Variants in TRRAP observed in about 807,000 individuals in gnomAD.
TRRAP encodes the protein transformation/transcription domain associated protein.
TRRAP carries 41 observed loss-of-function variants against 438.8 expected under a neutral mutation model. The observed-to-expected ratio is 0.09, with a 90% CI of 0.07 to 0.12. The LOEUF (loss-of-function observed/expected upper bound fraction) is 0.12, where lower values mean the gene tolerates loss of function less well. TRRAP is among the 10% of genes least tolerant of loss of function. The pLI, the probability that TRRAP is intolerant of heterozygous loss-of-function variation, is 1.00. For missense variants in TRRAP, 3,122 were observed against 5,055.1 expected, an observed-to-expected ratio of 0.62 and a Z score of 11.60; for synonymous variants, 1,994 against 1,962.9, an observed-to-expected ratio of 1.02 and a Z score of -0.42.
rs754384120 is a variant in TRRAP at position 98,976,139 on chromosome 7, C to G, written c.7840-10C>G. 2 of 1,613,580 alleles carry G rather than the reference C, an allele frequency of 1.2e-6. No homozygotes were observed. The highest frequency in any genetic ancestry group is 1.7e-6 in the Non-Finnish European group (2 of 1,179,756). ...GTGGCCATCTCAGCCTGTTGTCTTTCTGTTCATAGACTGGAGCGCTGCTCA... is the reference window on the plus strand; with the variant it reads ...GTGGCCATCTCAGCCTGTTGTCTTTGTGTTCATAGACTGGAGCGCTGCTCA... On this transcript the variant is annotated splice_polypyrimidine_tract_variant and intron_variant, in intron 53 of 72. Coordinates refer to ENST00000456197, the MANE Select transcript of TRRAP (RefSeq NM_001375524.1). The surrounding 1 kb of genome is among the most constrained non-coding windows in gnomAD (Gnocchi z 4.6).
intron 21 of TRRAP, among the ~76,000 whole-genome samples, chr7:98,924,613 C>T (rs561771656): frequency 9.2e-5 from 13 of 141,928 alleles, no homozygotes; most frequent in South Asian, 7.1e-4. Context: ...GGCGTGAACC[C>T]GGGAGGCAGA....
chr7:98,948,349 C>A lies in TRRAP; in HGVS notation c.4668+9C>A. On this transcript the variant is annotated intron_variant, in intron 34 of 72. Transcript: ENST00000456197. This position sits in a 1 kb window ranked among gnomAD's most constrained non-coding sequence, Gnocchi z 4.9. ...GGGCGATGCTGATCGAGGTAAGGGC[C>A]ATACTGAAGGCTGCTTCTCGCTCTG... 2 of 1,614,112 alleles carry A rather than the reference C, an allele frequency of 1.2e-6. No homozygotes were observed. The highest frequency in any genetic ancestry group is 1.1e-5 in the South Asian group (1 of 91,084).
chr7:98,921,631 C>T, intron 20 of TRRAP, 122 bp from the exon 21 acceptor site: 1 of 1,327,164 alleles, frequency 7.5e-7, no homozygotes, highest in Non-Finnish European at 1.1e-6. Flanking sequence ...CCGCCTTAGC[C>T]TCCCAAAGTT....
In TRRAP at chr7:98,992,179, A is replaced by T; in HGVS notation, c.9799A>T (p.Thr3267Ser). 6.2e-7 allele frequency: 1 copy of T among 1,614,136 alleles called. No individual in the cohort carries two copies. Among genetic ancestry groups the T allele is most frequent in the Non-Finnish European group, 8.5e-7 (1 of 1,180,022 alleles). ...CCAAGCGGTCTACTTTCCCATCCGG[A>T]CCCTGTACCTGACCCTGAAAATAGA... ...YPQAVYFPIRTLYLTLKIEQR... is the reference protein window; with the variant it reads ...YPQAVYFPIRSLYLTLKIEQR... The change falls in exon 65 of 73, where the codon ACC (threonine) becomes TCC (serine). Residue 3267 changes from threonine (T) to serine (S), a missense_variant. Around this residue, in one of 24 missense-constraint regions of TRRAP, gnomAD observed 107 missense variants for 327.5 expected, o/e 0.33. Transcript: ENST00000456197.
intron 70 of TRRAP, among the ~76,000 whole-genome samples, chr7:99,009,032 C>T (rs547303741): frequency 6.6e-6 from 1 of 152,264 alleles, no homozygotes; most frequent in African/African-American, 2.4e-5. Context: ...GCGACAGACT[C>T]TGGAGTGCAT....
Position 98,912,183 on chromosome 7 carries a change from C to G in TRRAP, c.2169C>G (p.Leu723=), listed in dbSNP as rs146396244. 5.6e-6 allele frequency: 9 copies of G among 1,613,826 alleles called. No homozygotes were observed. The highest frequency in any genetic ancestry group is 1.3e-5 in the African/African-American group (1 of 74,902). The part of the protein sequence containing the change: ...LFKLVFGSVS[L]FAAENEQMLK... ...AGCTGGTCTTTGGCTCTGTCTCCCT[C>G]TTTGCAGCTGAAAATGAACAAATGC... Residue 723 remains leucine (L), a synonymous_variant, in exon 18 of 73, where the codon CTC becomes CTG. Transcript: ENST00000456197.
rs977928222 is a variant in TRRAP at position 98,956,280 on chromosome 7, G to A, written c.6072G>A (p.Glu2024=). 1 of 1,614,242 alleles carries A rather than the reference G, an allele frequency of 6.2e-7. No homozygotes were observed. The highest frequency in any genetic ancestry group is 8.5e-7 in the Non-Finnish European group (1 of 1,180,042). Reference sequence around the variant, plus strand: ...TGTCTGAAGTCGTCATCAAGTGGGAGCTGCAGAGGATCAAGGACCAGCAGG... The same window carrying A: ...TGTCTGAAGTCGTCATCAAGTGGGAACTGCAGAGGATCAAGGACCAGCAGG... ...VDLSEVVIKW[E]LQRIKDQQPD... The change falls in exon 42 of 73, where the codon GAG becomes GAA. Residue 2024 remains glutamate, a synonymous_variant. Transcript: ENST00000456197. This position sits in a 1 kb window ranked among gnomAD's most constrained non-coding sequence, Gnocchi z 4.5.
chr7:98,971,038 A>C (rs538371247), intron 52 of TRRAP, among the ~76,000 whole-genome samples: 1 of 152,310 alleles, frequency 6.6e-6, no homozygotes, highest in Admixed American at 6.5e-5. Context: ...GTTGCGTCTT[A>C]GGAGACAGTC....
intron 26 of TRRAP, among the ~76,000 whole-genome samples, chr7:98,932,828 C>T (rs1315470519): frequency 6.6e-6 from 1 of 152,130 alleles, no homozygotes; most frequent in Non-Finnish European, 1.5e-5. Context: ...TGCTTGGTAG[C>T]ATCTGAGGAT....
chr7:98,970,347 C>G, intron 52 of TRRAP, 56 bp downstream of exon 52: 4 of 1,579,448 alleles, frequency 2.5e-6, no homozygotes, highest in South Asian at 2.3e-5. Context: ...GCCCCACACC[C>G]CACGGGCAGA....
Position 98,948,025 on chromosome 7 carries a change from C to T in TRRAP, c.4549-196C>T, listed in dbSNP as rs970538143. Among the ~76,000 whole-genome samples, 13 of 152,166 alleles carry T rather than the reference C, an allele frequency of 8.5e-5. No individual in the cohort carries two copies. The highest frequency in any genetic ancestry group is 2.0e-4 in the Admixed American group (3 of 15,286). On this transcript the variant is annotated intron_variant, in intron 33 of 72. Coordinates refer to ENST00000456197, the MANE Select transcript of TRRAP (RefSeq NM_001375524.1). This position sits in a 1 kb window ranked among gnomAD's most constrained non-coding sequence, Gnocchi z 4.9. ...CAATGGACAGGAATGCTGAAGGCCA[C>T]GGGCAGTCAGTTTCCTTAGGACACA...
At chr7:98,923,456 G>C (rs1048329515) in intron 21 of TRRAP, among the ~76,000 whole-genome samples, 1 of 152,272 alleles carries the variant, frequency 6.6e-6, no homozygotes, top group Non-Finnish European at 1.5e-5. Flanking sequence ...TAAAGGGAAA[G>C]ATGAGCGTGG....
At position 98,896,995 on chromosome 7, in the gene TRRAP, G is replaced by A. The variant is rs1796240819; in HGVS notation, c.508-746G>A. Among the ~76,000 whole-genome samples the A allele has an allele frequency of 2.0e-5, 3 of 152,194 alleles. No individual in the cohort carries two copies. The South Asian group carries it at 6.2e-4, about 32-fold the overall frequency. ...CACCCCTGCAATCCCAGTACTTTGG[G>A]AGGCCCAGGTGGGTGGATCACCTGA... is the stretch of plus-strand genomic sequence containing the variant. On this transcript the variant is annotated intron_variant, in intron 7 of 72. Coordinates refer to ENST00000456197, the MANE Select transcript of TRRAP (RefSeq NM_001375524.1).
At chr7:98,967,184 G>A (rs770760962) in intron 50 of TRRAP, 22 bp downstream of exon 50, 1 of 1,609,958 alleles carries the variant, frequency 6.2e-7, no homozygotes, top group South Asian at 1.1e-5. Flanking sequence ...AATTAATCAA[G>A]TACTACATAT....
intron 52 of TRRAP, among the ~76,000 whole-genome samples, chr7:98,971,576 A>G (rs911532695): frequency 2.6e-5 from 4 of 152,246 alleles, no homozygotes; most frequent in Admixed American, 2.0e-4. Flanking sequence ...GTGAAAGCAC[A>G]CTGGTGGCTT....
chr7:98,939,511 A>G (rs1476640501), intron 30 of TRRAP, among the ~76,000 whole-genome samples: 1 of 152,234 alleles, frequency 6.6e-6, no homozygotes, highest in African/African-American at 2.4e-5. Flanking sequence ...TTATGCCCTA[A>G]TAATACATTA....
chr7:98,962,572 G>A (rs1791955858), intron 47 of TRRAP, 145 bp downstream of exon 47: 2 of 1,455,574 alleles, frequency 1.4e-6, no homozygotes, highest in Non-Finnish European at 1.9e-6. Flanking sequence ...GTTGCCTGGG[G>A]CCCTCAAGGC....
Position 98,900,735 on chromosome 7 carries a change from T to G in TRRAP, c.897+15T>G, listed in dbSNP as rs550082449. The G allele has an allele frequency of 6.2e-7, 1 of 1,601,980 alleles. No homozygotes were observed. Among genetic ancestry groups the G allele is most frequent in the South Asian group, 1.1e-5 (1 of 89,304 alleles). ...GGATTTACCAGGTAAGGTCATTGAC[T>G]TTTATGTCAGGTTTATTGAGATAGT... is the stretch of plus-strand genomic sequence containing the variant. On this transcript the variant is annotated intron_variant, in intron 11 of 72. Transcript: ENST00000456197.
intron 13 of TRRAP, among the ~76,000 whole-genome samples, chr7:98,907,542 TAACTTGGGGTTG>T (rs1554407688): frequency 6.6e-6 from 1 of 152,258 alleles, no homozygotes; most frequent in Non-Finnish European, 1.5e-5. Context: ...ACATTTTTTG[TAACTTGGGGTTG>T]AACTTGCCTA....
Sources: gnomAD v4.1 joint callset for allele counts (sites outside exome capture counted in the v4.1 genomes callset) on GRCh38, gnomAD v4.1.1 for gene constraint, gnomAD v4.1.1 regional missense constraint, Gnocchi (gnomAD v3.1) non-coding constraint, MANE v1.5 for transcripts, NCBI Gene and HGNC (gene_info 2026-07-23, HGNC 2026-07-21) for gene names.